Variants in PDZD2 observed in about 807,000 individuals in gnomAD.
PDZD2 encodes PDZ domain containing 2.
Under a neutral mutation model 220.7 loss-of-function variants are expected in PDZD2, and 90 were observed. The ratio of observed to expected loss-of-function variants is 0.41; its 90% CI spans 0.34 to 0.49. The LOEUF (loss-of-function observed/expected upper bound fraction) is 0.49. PDZD2 is among the 20% of genes least tolerant of loss of function. The pLI is 0.28. For missense variants in PDZD2, 3,174 were observed against 3,608.5 expected (o/e 0.88, Z 3.08); for synonymous variants, 1,375 against 1,450.5 (o/e 0.95, Z 1.18).
At chr5:31,830,120 T>C (rs1032934507) in intron 2 of PDZD2, among the ~76,000 whole-genome samples, 6 of 151,822 alleles carry the variant, frequency 4.0e-5, no homozygotes, top group Non-Finnish European at 8.8e-5. Flanking sequence ...ATTCTACTTG[T>C]TCACATTTTC....
intron 1 of PDZD2, among the ~76,000 whole-genome samples, chr5:31,669,401 C>CAAAAA (rs34910299): frequency 1.8e-5 from 2 of 109,652 alleles, no homozygotes; most frequent in African/African-American, 7.2e-5. Context: ...GACCCTGTCT[C>CAAAAA]AAAAAAAAAA....
chr5:31,918,271 T>C (rs942090099), intron 2 of PDZD2, among the ~76,000 whole-genome samples: 7 of 152,108 alleles, frequency 4.6e-5, no homozygotes, highest in African/African-American at 4.8e-5. Flanking sequence ...ATCCAAACCA[T>C]ATCAAGACTG....
intron 2 of PDZD2, among the ~76,000 whole-genome samples, chr5:31,931,367 A>G (rs1319344709): frequency 6.6e-6 from 1 of 152,134 alleles, no homozygotes; most frequent in East Asian, 1.9e-4. Context: ...CATGTTGGCC[A>G]GACTGGTTTC....
At position 31,864,879 on chromosome 5, in the gene PDZD2, C is replaced by T. The variant is rs550278498; in HGVS notation, c.476+65155C>T. Among the ~76,000 whole-genome samples the T allele has an allele frequency of 3.3e-5, 4 of 120,446 alleles. No individual in the cohort carries two copies. In the East Asian group the frequency reaches 7.8e-4, roughly 24 times the overall value. The allele number at this position is 120,446 out of a possible 152,430, so 79.0% of individuals were successfully genotyped here. ...TTTTTTTTTTTTTGAGACGGAGTCT[C>T]GCTCTGTCGCCCAGGCTAGTGTGCA... is the stretch of plus-strand genomic sequence containing the variant. On this transcript the variant is annotated intron_variant, in intron 2 of 24. Coordinates refer to ENST00000438447, the MANE Select transcript of PDZD2 (RefSeq NM_178140.4).
At chr5:31,994,841 T>G (rs142944905) in intron 3 of PDZD2, among the ~76,000 whole-genome samples, 314 of 152,356 alleles carry the variant, frequency 2.1e-3, no homozygotes, top group African/African-American at 7.3e-3. Flanking sequence ...ATAAGTAATA[T>G]AGTTACCTAT....
chr5:32,073,614 G>GC (rs1038967566), intron 17 of PDZD2, among the ~76,000 whole-genome samples: 2 of 145,252 alleles, frequency 1.4e-5, no homozygotes, highest in African/African-American at 5.1e-5. Flanking sequence ...GGGCGGGGGG[G>GC]GTAGGTCAGT....
chr5:32,068,655 G>A (rs570425968), intron 14 of PDZD2, among the ~76,000 whole-genome samples: 104 of 152,234 alleles, frequency 6.8e-4, no homozygotes, highest in Middle Eastern at 3.4e-3. Context: ...TAGTCAAACT[G>A]GAATATGAAA....
chr5:31,759,540 A>AT (rs71614266), intron 1 of PDZD2, among the ~76,000 whole-genome samples: 4,238 of 131,092 alleles, frequency 0.032, 114 homozygotes, highest in African/African-American at 0.039. Flanking sequence ...TCTCAGAACT[A>AT]TTTTTTTTTT....
At chr5:31,865,037 CG>C (rs1409751232) in intron 2 of PDZD2, among the ~76,000 whole-genome samples, 4 of 151,344 alleles carry the variant, frequency 2.6e-5, no homozygotes, top group Admixed American at 2.6e-4. Context: ...TTAGTAGAGA[CG>C]GGGTTTCACC....
At chr5:31,850,163 T>TGTATATATAAGTATATATATAA (rs1478432322) in intron 2 of PDZD2, among the ~76,000 whole-genome samples, 1 of 136,264 alleles carries the variant, frequency 7.3e-6, no homozygotes, top group African/African-American at 2.7e-5. Flanking sequence ...TGTGTATATA[T>TGTATATATAAGTATATATATAA]GTATATATAA....
intron 2 of PDZD2, among the ~76,000 whole-genome samples, chr5:31,975,119 AT>A (rs1159810243): frequency 6.6e-6 from 1 of 152,146 alleles, no homozygotes; most frequent in East Asian, 1.9e-4. Flanking sequence ...AAGAAGACAT[AT>A]TTGTTTATTT....
chr5:31,869,491 G>A (rs181371989), intron 2 of PDZD2, among the ~76,000 whole-genome samples: 14 of 152,232 alleles, frequency 9.2e-5, no homozygotes, highest in Non-Finnish European at 1.9e-4. Context: ...GTGAACCTGG[G>A]AGGCGGAGGT....
At chr5:31,959,699 G>T (rs539266315) in intron 2 of PDZD2, among the ~76,000 whole-genome samples, 1 of 152,262 alleles carries the variant, frequency 6.6e-6, no homozygotes, top group Non-Finnish European at 1.5e-5. Context: ...CTAAAGCGAG[G>T]GAAGAAGCCT....
chr5:31,968,531 T>C (rs1748971697), intron 2 of PDZD2, among the ~76,000 whole-genome samples: 1 of 152,112 alleles, frequency 6.6e-6, no homozygotes, highest in South Asian at 2.1e-4. Context: ...CGTATGCCTG[T>C]AATCCCAGCT....
chr5:31,989,778 A>T (rs918515997), intron 3 of PDZD2, among the ~76,000 whole-genome samples: 1 of 152,060 alleles, frequency 6.6e-6, no homozygotes, highest in Non-Finnish European at 1.5e-5. Flanking sequence ...ACTTAGGTTG[A>T]TTCTGTATCT....
chr5:31,724,602 C>CAA (rs35523154), intron 1 of PDZD2, among the ~76,000 whole-genome samples: 267 of 60,620 alleles, frequency 4.4e-3, no homozygotes, highest in Non-Finnish European at 5.6e-3. Flanking sequence ...AATTCCGTCT[C>CAA]AAAAAAAAAA....
chr5:31,869,483 G>A (rs1251985251), intron 2 of PDZD2, among the ~76,000 whole-genome samples: 1 of 152,022 alleles, frequency 6.6e-6, no homozygotes, highest in Non-Finnish European at 1.5e-5. Context: ...GAATGGCCGT[G>A]AACCTGGGAG....
intron 2 of PDZD2, among the ~76,000 whole-genome samples, chr5:31,868,826 C>T (rs1738473513): frequency 1.3e-5 from 2 of 152,178 alleles, no homozygotes; most frequent in African/African-American, 4.8e-5. Flanking sequence ...GGCTGGAGTG[C>T]AGTGGCACGA....
intron 2 of PDZD2, among the ~76,000 whole-genome samples, chr5:31,863,800 C>A (rs1250124819): frequency 6.6e-6 from 1 of 152,134 alleles, no homozygotes; most frequent in Non-Finnish European, 1.5e-5. Flanking sequence ...TAACTTACAT[C>A]TGAGATATGC....
Sources: gnomAD v4.1 joint callset for allele counts (sites outside exome capture counted in the v4.1 genomes callset) on GRCh38, gnomAD v4.1.1 for gene constraint, MANE v1.5 for transcripts, NCBI Gene and HGNC (gene_info 2026-07-23, HGNC 2026-07-21) for gene names.